Variants in SRPK1 observed in about 807,000 individuals in gnomAD.
SRPK1 encodes SFRS protein kinase 1.
In SRPK1, 52 loss-of-function variants were observed where a neutral mutation model predicts 89.5. The ratio of observed to expected loss-of-function variants is 0.58; its 90% CI spans 0.46 to 0.73. The LOEUF is 0.73. Among genes scored for constraint, SRPK1 ranks in the 30% least tolerant of loss-of-function variants. The pLI, the probability that SRPK1 is intolerant of heterozygous loss-of-function variation, is 0.00. For missense variants in SRPK1, 603 were observed against 780.6 expected, an observed-to-expected ratio of 0.77 and a Z score of 2.71; for synonymous variants, 255 against 270.2, an observed-to-expected ratio of 0.94 and a Z score of 0.55.
intron 15 of SRPK1, among the ~76,000 whole-genome samples, chr6:35,838,020 C>CA (rs1769221568): frequency 6.6e-6 from 1 of 152,062 alleles, no homozygotes; most frequent in Non-Finnish European, 1.5e-5. Flanking sequence ...AGGCGCCCGC[C>CA]ACTCTTCCCA....
rs753121312 is a variant in SRPK1 at position 35,838,406 on chromosome 6, G to A, written c.1714C>T (p.Leu572Phe). 6.3e-7 allele frequency: 1 copy of A among 1,580,998 alleles called. No individual in the cohort carries two copies. Among genetic ancestry groups the A allele is most frequent in the Non-Finnish European group, 8.5e-7 (1 of 1,171,634 alleles). Residue 572 changes from leucine (L) to phenylalanine (F), a missense_variant, in exon 15 of 16, where the codon CTT (leucine) becomes TTT (phenylalanine). Transcript: ENST00000373825. ...AGCTTGCGAGGCACCTTCCCCAGAA[G>A]TTCTATGATCAATGCAATGTGATCT... ...DEDHIALIIE[L>F]LGKVPRKLIV...
intron 13 of SRPK1, among the ~76,000 whole-genome samples, chr6:35,842,909 G>A (rs762771934): frequency 7.9e-5 from 12 of 151,504 alleles, no homozygotes; most frequent in African/African-American, 1.2e-4. Flanking sequence ...TTTTTTGGCC[G>A]GAAAGGGGCA....
intron 14 of SRPK1, chr6:35,838,927 T>G (rs932285311): frequency 3.0e-6 from 3 of 1,004,038 alleles, no homozygotes; most frequent in Non-Finnish European, 4.0e-6. Flanking sequence ...GAAGGAAGAC[T>G]GACTGGGAAG....
chr6:35,842,302 A>C (rs1344518915), intron 14 of SRPK1, among the ~76,000 whole-genome samples: 1 of 152,240 alleles, frequency 6.6e-6, no homozygotes, highest in Non-Finnish European at 1.5e-5. Context: ...ATTGTCCAGC[A>C]CACAGAAGTT....
intron 2 of SRPK1, among the ~76,000 whole-genome samples, chr6:35,903,104 C>T (rs1770779650): frequency 6.6e-6 from 1 of 151,644 alleles, no homozygotes; most frequent in Admixed American, 6.6e-5. Flanking sequence ...CACAGTGAGA[C>T]CCTGTCTCTA....
At chr6:35,920,084 A>G (rs1364316364) in intron 2 of SRPK1, 25 of 463,594 alleles carry the variant, frequency 5.4e-5, no homozygotes, top group Non-Finnish European at 1.0e-4. Context: ...GTCGGAGGCA[A>G]GTTAAGACGT....
At chr6:35,852,350 T>C (rs2151082597) in intron 13 of SRPK1, among the ~76,000 whole-genome samples, 1 of 152,326 alleles carries the variant, frequency 6.6e-6, no homozygotes, top group Non-Finnish European at 1.5e-5. Flanking sequence ...GTGATTTTAT[T>C]ACAGAACTGT....
Position 35,915,971 on chromosome 6 carries a change from C to CA in SRPK1, c.74+4496dup, listed in dbSNP as rs35912769. ...TGGGCGACAGAACGAGACTCTGTCT[C>CA]AAAAACAAAAAAAAAAAAAAATATA... On this transcript the variant is annotated intron_variant, in intron 2 of 15. Transcript: ENST00000373825. Among the ~76,000 whole-genome samples the CA allele has an allele frequency of 5.4e-3, 276 of 51,470 alleles. 26 individuals carry two copies. The highest frequency in any genetic ancestry group is 0.015 in the African/African-American group (117 of 7,634). 33.8% of individuals were successfully genotyped at this position (51,470 alleles called of 152,430 possible).
chr6:35,894,007 T>C (rs964442625), intron 2 of SRPK1, among the ~76,000 whole-genome samples: 2 of 151,680 alleles, frequency 1.3e-5, no homozygotes, highest in Non-Finnish European at 2.9e-5. Context: ...CGAGACTCTG[T>C]CTCAAATAAA....
chr6:35,846,033 T>C (rs1464259387), intron 13 of SRPK1, among the ~76,000 whole-genome samples: 2 of 152,108 alleles, frequency 1.3e-5, no homozygotes, highest in Non-Finnish European at 1.5e-5. Flanking sequence ...AACAATAAAG[T>C]CTGTTTTAAA....
At chr6:35,920,950 C>T in intron 1 of SRPK1, 94 bp downstream of exon 1, 16 of 1,426,952 alleles carry the variant, frequency 1.1e-5, no homozygotes, top group African/African-American at 1.5e-5. Context: ...GTCCGGGAAC[C>T]GAACCGCGGC....
chr6:35,861,270 T>TG (rs1187859796), intron 12 of SRPK1, among the ~76,000 whole-genome samples: 1 of 152,022 alleles, frequency 6.6e-6, no homozygotes, highest in Admixed American at 6.5e-5. Flanking sequence ...ATTCTGAAAA[T>TG]GGGTTTTATG....
At chr6:35,868,959 C>A in intron 12 of SRPK1, 51 bp downstream of exon 12, 1 of 1,448,352 alleles carries the variant, frequency 6.9e-7, no homozygotes, top group South Asian at 1.2e-5. Context: ...TCCAAATTCT[C>A]ATTCATCCTC....
intron 6 of SRPK1, among the ~76,000 whole-genome samples, chr6:35,874,632 G>A (rs1770115104): frequency 6.6e-6 from 1 of 152,198 alleles, no homozygotes; most frequent in African/African-American, 2.4e-5. Context: ...TATGCAAATA[G>A]TGAAAGAAAG....
intron 2 of SRPK1, among the ~76,000 whole-genome samples, chr6:35,918,535 AAAAC>A (rs1266024818): frequency 3.3e-5 from 5 of 152,188 alleles, no homozygotes; most frequent in South Asian, 2.1e-4. Context: ...GGTAAATTCA[AAAAC>A]AAACAAACAA....
intron 13 of SRPK1, among the ~76,000 whole-genome samples, chr6:35,850,197 A>G (rs2151081752): frequency 6.6e-6 from 1 of 152,324 alleles, no homozygotes; most frequent in East Asian, 1.9e-4. Context: ...ATCATATTTA[A>G]TTGCTCAAAT....
chr6:35,849,321 T>C (rs975585810), intron 13 of SRPK1, among the ~76,000 whole-genome samples: 1 of 152,196 alleles, frequency 6.6e-6, no homozygotes, highest in Non-Finnish European at 1.5e-5. Flanking sequence ...ATGGCTGTTA[T>C]CACAAAGACG....
At chr6:35,873,502 T>A (rs1770080463) in intron 7 of SRPK1, among the ~76,000 whole-genome samples, 1 of 152,196 alleles carries the variant, frequency 6.6e-6, no homozygotes, top group Non-Finnish European at 1.5e-5. Context: ...CTTTTTTTTT[T>A]TTTTTGAGAT....
chr6:35,848,268 A>C (rs1175721794), intron 13 of SRPK1, among the ~76,000 whole-genome samples: 1 of 152,236 alleles, frequency 6.6e-6, no homozygotes, highest in Admixed American at 6.5e-5. Flanking sequence ...CACAAAGAAG[A>C]AAGCTGGGCT....
Sources: allele counts gnomAD v4.1 joint callset (sites outside exome capture counted in the v4.1 genomes callset), GRCh38; gene constraint gnomAD v4.1.1; transcripts MANE v1.5; gene names NCBI Gene and HGNC (gene_info 2026-07-23, HGNC 2026-07-21).